Variants in SDC4 observed in about 807,000 individuals in gnomAD.
The protein encoded by SDC4 is syndecan 4, also known as syndecan-4.
A neutral mutation model predicts 20.5 loss-of-function variants in SDC4; 17 were observed. The observed-to-expected ratio is 0.83, with a 90% CI of 0.57 to 1.25. SDC4 has a LOEUF of 1.25. SDC4 is among the 50% of genes most tolerant of loss of function. SDC4 has a pLI of 0.00. For missense variants in SDC4, 241 were observed against 252.3 expected (o/e 0.96, Z 0.30); for synonymous variants, 107 against 105.3 (o/e 1.02, Z -0.10).
At chr20:45,346,685 C>T (rs1456319746) in intron 1 of SDC4, among the ~76,000 whole-genome samples, 1 of 152,206 alleles carries the variant, frequency 6.6e-6, no homozygotes, top group Non-Finnish European at 1.5e-5. Flanking sequence ...GAGCACTGTG[C>T]TAGAGGCAGA....
At chr20:45,328,928 C>A (rs952520522) in intron 4 of SDC4, among the ~76,000 whole-genome samples, 1 of 152,200 alleles carries the variant, frequency 6.6e-6, no homozygotes, top group African/African-American at 2.4e-5. Flanking sequence ...AGTTCCTCCA[C>A]GAGGCCCTGG....
At chr20:45,335,649 TGAGAAGGA>T in intron 2 of SDC4, 125 bp downstream of exon 2, 1 of 920,030 alleles carries the variant, frequency 1.1e-6, no homozygotes, top group Non-Finnish European at 1.6e-6. Flanking sequence ...CCCCTTTTTT[TGAGAAGGA>T]AGAAGGGCAC....
chr20:45,334,795 T>A (rs905067607), intron 2 of SDC4, among the ~76,000 whole-genome samples: 1 of 152,082 alleles, frequency 6.6e-6, no homozygotes, highest in Non-Finnish European at 1.5e-5. Context: ...CCATAAAATT[T>A]ATTTTTTTTT....
intron 4 of SDC4, among the ~76,000 whole-genome samples, chr20:45,327,623 G>A (rs1451302672): frequency 4.6e-5 from 7 of 152,242 alleles, no homozygotes; most frequent in African/African-American, 9.6e-5. Context: ...AGTCACTGAA[G>A]ACCACAGGGC....
intron 4 of SDC4, among the ~76,000 whole-genome samples, chr20:45,329,057 T>C (rs942078272): frequency 4.6e-5 from 7 of 152,178 alleles, no homozygotes; most frequent in Non-Finnish European, 1.0e-4. Context: ...GATAAGTTCT[T>C]TAGACTGAGT....
chr20:45,339,552 C>T (rs1987924807), intron 1 of SDC4, among the ~76,000 whole-genome samples: 1 of 152,212 alleles, frequency 6.6e-6, no homozygotes, highest in Non-Finnish European at 1.5e-5. Context: ...AGTTTGAGAT[C>T]AGCCTGGGCA....
intron 1 of SDC4, chr20:45,345,745 A>G (rs980101631): frequency 1.3e-5 from 2 of 152,256 alleles, no homozygotes; most frequent in African/African-American, 4.8e-5. Flanking sequence ...CTCCCAAAAC[A>G]AGGCTGCCTT....
intron 1 of SDC4, among the ~76,000 whole-genome samples, chr20:45,342,986 G>A (rs990874149): frequency 6.6e-6 from 1 of 152,132 alleles, no homozygotes; most frequent in Non-Finnish European, 1.5e-5. Flanking sequence ...TTTTATAGAG[G>A]ACACTGGAGT....
chr20:45,344,236 A>G (rs564036708), intron 1 of SDC4, among the ~76,000 whole-genome samples: 2 of 152,318 alleles, frequency 1.3e-5, no homozygotes, highest in East Asian at 3.9e-4. Context: ...CAAAGTCTAC[A>G]TGCAGGCAAG....
intron 3 of SDC4, among the ~76,000 whole-genome samples, chr20:45,332,698 C>T (rs111644328): frequency 0.042 from 6,357 of 152,128 alleles, 494 homozygotes; most frequent in African/African-American, 0.15. Context: ...GGACTTAAGC[C>T]ATTCTCCCAC....
chr20:45,327,488 C>A, intron 4 of SDC4, 73 bp from the exon 5 acceptor site: 1 of 1,487,582 alleles, frequency 6.7e-7, no homozygotes, highest in South Asian at 1.3e-5. Flanking sequence ...CCCTCTTTCC[C>A]CCACTGTCAG....
intron 3 of SDC4, among the ~76,000 whole-genome samples, chr20:45,332,775 T>C (rs1399000660): frequency 6.6e-6 from 1 of 151,888 alleles, no homozygotes; most frequent in East Asian, 1.9e-4. Context: ...TTGTATTTTA[T>C]GTAGAGACAG....
intron 1 of SDC4, among the ~76,000 whole-genome samples, chr20:45,338,382 C>T (rs753839433): frequency 8.5e-5 from 13 of 152,092 alleles, no homozygotes; most frequent in South Asian, 2.1e-4. Flanking sequence ...TCAATCTAGC[C>T]GGGAGAAAGA....
chr20:45,327,536 C>T, intron 4 of SDC4, 121 bp from the exon 5 acceptor site: 8 of 1,143,650 alleles, frequency 7.0e-6, no homozygotes, highest in Middle Eastern at 3.0e-4. Context: ...TCACCACTGC[C>T]TGTGCCAGGC....
chr20:45,338,085 T>C (rs1300853092), intron 1 of SDC4, among the ~76,000 whole-genome samples: 3 of 152,126 alleles, frequency 2.0e-5, no homozygotes, highest in Non-Finnish European at 4.4e-5. Flanking sequence ...TACCTCCATC[T>C]CCTGTGGCAA....
At chr20:45,340,334 G>A (rs185929489) in intron 1 of SDC4, among the ~76,000 whole-genome samples, 107 of 152,294 alleles carry the variant, frequency 7.0e-4, no homozygotes, top group Middle Eastern at 3.4e-3. Context: ...TACCCATTTT[G>A]CAGATGAGAA....
chr20:45,338,098 C>T (rs908272515), intron 1 of SDC4, among the ~76,000 whole-genome samples: 13 of 152,180 alleles, frequency 8.5e-5, no homozygotes, highest in Admixed American at 1.3e-4. Context: ...TGTGGCAAAT[C>T]CCCCAAGAAC....
At chr20:45,328,928 C>T (rs952520522) in intron 4 of SDC4, among the ~76,000 whole-genome samples, 2 of 152,200 alleles carry the variant, frequency 1.3e-5, no homozygotes, top group African/African-American at 2.4e-5. Context: ...AGTTCCTCCA[C>T]GAGGCCCTGG....
At chr20:45,333,699 C>T (rs1468146986) in intron 2 of SDC4, among the ~76,000 whole-genome samples, 2 of 152,096 alleles carry the variant, frequency 1.3e-5, no homozygotes, top group African/African-American at 4.8e-5. Context: ...TCCCTCCATA[C>T]GTATTCCTAA....
Sources: gnomAD v4.1 joint callset for allele counts (sites outside exome capture counted in the v4.1 genomes callset) on GRCh38, gnomAD v4.1.1 for gene constraint, MANE v1.5 for transcripts, NCBI Gene and HGNC (gene_info 2026-07-23, HGNC 2026-07-21) for gene names.